The following PCSK1 variants were observed in gnomAD, a reference collection of about 807,000 sequenced individuals.
The protein encoded by PCSK1 is neuroendocrine convertase 1.
In PCSK1, 56 loss-of-function variants were observed where a neutral mutation model predicts 90.6. The observed-to-expected ratio is 0.62, with a 90% CI of 0.50 to 0.77. PCSK1 has a LOEUF of 0.77. Ranked by LOEUF, PCSK1 falls within the 30% of genes least tolerant of loss-of-function variation. PCSK1 has a pLI of 0.00. For missense variants in PCSK1, 801 were observed against 932.6 expected (o/e 0.86, Z 1.84); for synonymous variants, 348 against 342.4 (o/e 1.02, Z -0.18).
In PCSK1 at chr5:96,392,781, GA is replaced by G; in HGVS notation, c.*219del. 1.7e-6 allele frequency: 1 copy of G among 596,798 alleles called. No homozygotes were observed. 37.0% of individuals were successfully genotyped at this position (596,798 alleles called of 1,614,324 possible). A position where few individuals can be genotyped will look rare whatever the true frequency, so the allele number is the denominator to read the frequency against. On this transcript the variant is annotated 3_prime_UTR_variant, in exon 14 of 14. Coordinates refer to ENST00000311106, the MANE Select transcript of PCSK1 (RefSeq NM_000439.5). ...CAAAACACTTCACTTGTGCAGACAGGAAAGATGTGTTTTGAAATACCTATGA... is the reference window on the plus strand; with the variant it reads ...CAAAACACTTCACTTGTGCAGACAGGAAGATGTGTTTTGAAATACCTATGA...
intron 9 of PCSK1, 123 bp downstream of exon 9, chr5:96,408,100 G>A: frequency 1.4e-6 from 1 of 722,982 alleles, no homozygotes; most frequent in Non-Finnish European, 2.5e-6. Flanking sequence ...GCAGGAAAGA[G>A]CTTATCTTTA....
intron 1 of PCSK1, among the ~76,000 whole-genome samples, chr5:96,429,702 C>A (rs7728565): frequency 3.2e-4 from 49 of 152,192 alleles, no homozygotes; most frequent in African/African-American, 1.2e-3. Flanking sequence ...TGAGAACATG[C>A]GGTATTCGGT....
At chr5:96,402,550 C>G (rs957882363) in intron 9 of PCSK1, among the ~76,000 whole-genome samples, 1 of 152,168 alleles carries the variant, frequency 6.6e-6, no homozygotes, top group Non-Finnish European at 1.5e-5. Context: ...ACCTCAGAGT[C>G]CATAAAATTG....
At chr5:96,429,954 C>T (rs1217788697) in intron 1 of PCSK1, among the ~76,000 whole-genome samples, 1 of 152,174 alleles carries the variant, frequency 6.6e-6, no homozygotes, top group Non-Finnish European at 1.5e-5. Context: ...TCAAATATAT[C>T]TGTTCAAAGA....
At position 96,433,112 on chromosome 5, in the gene PCSK1, GAC is replaced by G. The variant is rs371007632; in HGVS notation, c.-72_-71del. 620 of 1,431,500 alleles carry G rather than the reference GAC, an allele frequency of 4.3e-4. 6 individuals are homozygous for G. The African/African-American group carries it at 8.1e-3, about 19-fold the overall frequency. The allele number at this position is 1,431,500 out of a possible 1,614,324, so 88.7% of individuals were successfully genotyped here. A position where few individuals can be genotyped will look rare whatever the true frequency, so the allele number is the denominator to read the frequency against. On this transcript the variant is annotated 5_prime_UTR_variant, in exon 1 of 14. Transcript: ENST00000311106. ...AAGAAGCAAGATAGGAGAAAAGCCA[GAC>G]AGACTCCCCCTTCCCACCCTCGGGC...
intron 5 of PCSK1, among the ~76,000 whole-genome samples, chr5:96,419,379 A>G (rs1368935582): frequency 8.0e-6 from 1 of 125,244 alleles, no homozygotes; most frequent in Non-Finnish European, 1.6e-5. Flanking sequence ...GTTATATAAT[A>G]CTTATTATAT....
intron 8 of PCSK1, among the ~76,000 whole-genome samples, chr5:96,409,220 C>A (rs373116252): frequency 6.6e-6 from 1 of 152,182 alleles, no homozygotes; most frequent in Non-Finnish European, 1.5e-5. Context: ...GGATTACTAA[C>A]AAGACACCCA....
intron 11 of PCSK1, among the ~76,000 whole-genome samples, chr5:96,398,002 T>C (rs535982762): frequency 4.8e-4 from 73 of 152,236 alleles, no homozygotes; most frequent in African/African-American, 1.6e-3. Context: ...CAATCTCTTA[T>C]ATTAAAAGAC....
intron 8 of PCSK1, among the ~76,000 whole-genome samples, chr5:96,409,188 C>T (rs1007368965): frequency 6.6e-5 from 10 of 152,182 alleles, no homozygotes; most frequent in Non-Finnish European, 1.0e-4. Flanking sequence ...TTAAGGACCA[C>T]GGCGCTGCTG....
Position 96,392,867 on chromosome 5 carries a change from G to A in PCSK1, c.*134C>T. ...ATCCCCTTCACATGTACAGTTTAGG[G>A]AGAAAAAGAAAAGGTGCCACAAAGG... On this transcript the variant is annotated 3_prime_UTR_variant, in exon 14 of 14. Transcript: ENST00000311106. 1 of 894,376 alleles carries A rather than the reference G, an allele frequency of 1.1e-6. No individual in the cohort carries two copies. Among genetic ancestry groups the A allele is most frequent in the East Asian group, 2.4e-5 (1 of 41,714 alleles). 55.4% of individuals were successfully genotyped at this position (894,376 alleles called of 1,614,324 possible).
chr5:96,427,654 G>A (rs569925018), intron 2 of PCSK1, among the ~76,000 whole-genome samples: 1 of 152,220 alleles, frequency 6.6e-6, no homozygotes, highest in Admixed American at 6.5e-5. Context: ...CATCTTCATT[G>A]TCATGAGATA....
At chr5:96,414,714 C>G (rs1760886108) in intron 6 of PCSK1, among the ~76,000 whole-genome samples, 1 of 152,186 alleles carries the variant, frequency 6.6e-6, no homozygotes, top group South Asian at 2.1e-4. Flanking sequence ...ATGAAGGGAT[C>G]AGATGATTCT....
chr5:96,403,269 TTTATTATTA>T (rs1366344757), intron 9 of PCSK1, among the ~76,000 whole-genome samples: 1 of 152,184 alleles, frequency 6.6e-6, no homozygotes, highest in Non-Finnish European at 1.5e-5. Flanking sequence ...TTTTTCTTTT[TTTATTATTA>T]TTATACTTTA....
intron 3 of PCSK1, among the ~76,000 whole-genome samples, chr5:96,425,007 G>A (rs75772878): frequency 2.7e-3 from 180 of 66,912 alleles, no homozygotes; most frequent in African/African-American, 0.012. Context: ...GAGAAAGAAA[G>A]AAAAGAAAGA....
At chr5:96,418,787 T>C (rs189448522) in intron 5 of PCSK1, among the ~76,000 whole-genome samples, 84 of 152,304 alleles carry the variant, frequency 5.5e-4, no homozygotes, top group Admixed American at 4.1e-3. Context: ...ACCTTTTTGG[T>C]TGATAGTCAA....
At chr5:96,406,156 A>C (rs968557838) in intron 9 of PCSK1, among the ~76,000 whole-genome samples, 1 of 152,180 alleles carries the variant, frequency 6.6e-6, no homozygotes, top group Non-Finnish European at 1.5e-5. Flanking sequence ...AGTTTGTAAA[A>C]AAAGGTCTCG....
At position 96,393,305 on chromosome 5, in the gene PCSK1, C is replaced by G. The variant is rs751319350; in HGVS notation, c.1958G>C (p.Gly653Ala). ...TCCCTCCTCCAACTCATCCCTCCGG[C>G]CCCCTACGCTGCTGCTGCTGGGGCT... ...SKSPSSSSVGGRRDELEEGAP... is the reference protein window; with the variant it reads ...SKSPSSSSVGARRDELEEGAP... Residue 653 changes from glycine to alanine, a missense_variant, in exon 14 of 14, where the codon GGC becomes GCC. By Grantham distance (60) the Gly-to-Ala change is moderately conservative. Coordinates refer to ENST00000311106, the MANE Select transcript of PCSK1 (RefSeq NM_000439.5). 2 of 1,614,048 alleles carry G rather than the reference C, an allele frequency of 1.2e-6. No homozygotes were observed. The highest frequency in any genetic ancestry group is 2.2e-5 in the South Asian group (2 of 91,078).
At chr5:96,393,503 G>A in intron 13 of PCSK1, 125 bp from the exon 14 acceptor site, 2 of 1,130,098 alleles carry the variant, frequency 1.8e-6, no homozygotes, top group South Asian at 1.3e-5. Context: ...AGGGGAGAGA[G>A]TTCAAGACTG....
At chr5:96,394,258 A>G (rs1221567529) in intron 13 of PCSK1, among the ~76,000 whole-genome samples, 2 of 152,234 alleles carry the variant, frequency 1.3e-5, no homozygotes, top group Non-Finnish European at 2.9e-5. Context: ...TTTTCTCACC[A>G]TCTGATAGAA....
Sources: gnomAD v4.1 joint callset for allele counts (sites outside exome capture counted in the v4.1 genomes callset) on GRCh38, gnomAD v4.1.1 for gene constraint, MANE v1.5 for transcripts, NCBI Gene and HGNC (gene_info 2026-07-23, HGNC 2026-07-21) for gene names.